THSD4: variants seen among roughly 807,000 people sequenced by gnomAD.
The protein encoded by THSD4 is thrombospondin type 1 domain containing 4, also known as thrombospondin type-1 domain-containing protein 4.
In THSD4, 69 loss-of-function variants were observed where a neutral mutation model predicts 119.0. That is an observed-to-expected ratio of 0.58 (90% CI 0.48 to 0.71). THSD4 has a LOEUF of 0.71. Among genes scored for constraint, THSD4 ranks in the 30% least tolerant of loss-of-function variants. The pLI is 0.00. For missense variants in THSD4, 1,393 were observed against 1,391.1 expected (o/e 1.00, Z -0.02); for synonymous variants, 524 against 540.4 (o/e 0.97, Z 0.42).
intron 3 of THSD4, among the ~76,000 whole-genome samples, chr15:71,202,712 A>G (rs897558002): frequency 9.9e-5 from 15 of 152,180 alleles, no homozygotes; most frequent in Admixed American, 4.6e-4. Flanking sequence ...AAGATGCCAC[A>G]TGCTTTGTTG....
chr15:71,185,630 C>T (rs2043592965), intron 3 of THSD4: 3 of 152,272 alleles, frequency 2.0e-5, no homozygotes, highest in African/African-American at 4.8e-5. Flanking sequence ...TGAGTAGCAT[C>T]GAGAACATTC....
intron 6 of THSD4, among the ~76,000 whole-genome samples, chr15:71,319,228 T>A (rs563511816): frequency 4.4e-4 from 67 of 152,168 alleles, no homozygotes; most frequent in Non-Finnish European, 7.2e-4. Context: ...AATGTTGACA[T>A]CAAGGATTCT....
chr15:71,557,044 GT>G (rs1420130277), intron 7 of THSD4, among the ~76,000 whole-genome samples: 1 of 152,122 alleles, frequency 6.6e-6, no homozygotes, highest in African/African-American at 2.4e-5. Context: ...AATGGGGGCA[GT>G]ATTATTTTGT....
intron 7 of THSD4, among the ~76,000 whole-genome samples, chr15:71,554,383 C>T (rs2048985456): frequency 6.6e-6 from 1 of 151,632 alleles, no homozygotes; most frequent in South Asian, 2.1e-4. Context: ...GCGTGAGACA[C>T]CATGCCCCGG....
chr15:71,535,895 G>A (rs544974690), intron 7 of THSD4, among the ~76,000 whole-genome samples: 1 of 152,180 alleles, frequency 6.6e-6, no homozygotes, highest in Admixed American at 6.5e-5. Context: ...TCACCAACTT[G>A]ATGGTATCAT....
intron 1 of THSD4, among the ~76,000 whole-genome samples, chr15:71,104,211 G>A (rs1222934292): frequency 2.2e-5 from 2 of 89,964 alleles, no homozygotes; most frequent in South Asian, 3.4e-4. Context: ...CCCCACCCCC[G>A]GCCCCTGCAA....
At chr15:71,516,042 C>T (rs2048356775) in intron 7 of THSD4, among the ~76,000 whole-genome samples, 1 of 152,068 alleles carries the variant, frequency 6.6e-6, no homozygotes, top group South Asian at 2.1e-4. Flanking sequence ...GGGTTTTTGA[C>T]CAAGTGGAAA....
At chr15:71,365,048 G>A (rs189998097) in intron 6 of THSD4, among the ~76,000 whole-genome samples, 1 of 151,854 alleles carries the variant, frequency 6.6e-6, no homozygotes, top group East Asian at 1.9e-4. Context: ...CTCTTTTCCA[G>A]AGATGATACA....
chr15:71,749,040 G>A (rs2053395998), intron 14 of THSD4, among the ~76,000 whole-genome samples: 1 of 152,206 alleles, frequency 6.6e-6, no homozygotes, highest in Admixed American at 6.5e-5. Context: ...GGCATATATA[G>A]TCAACCATTA....
At chr15:71,531,675 T>C (rs1400552085) in intron 7 of THSD4, among the ~76,000 whole-genome samples, 3 of 152,260 alleles carry the variant, frequency 2.0e-5, no homozygotes, top group Non-Finnish European at 4.4e-5. Flanking sequence ...TCGTGGTCTC[T>C]TAACACAGTG....
chr15:71,335,709 G>A (rs995850236), intron 6 of THSD4, among the ~76,000 whole-genome samples: 1 of 152,132 alleles, frequency 6.6e-6, no homozygotes, highest in African/African-American at 2.4e-5. Context: ...TGCCACTCTG[G>A]AGAGCAGCTG....
chr15:71,614,151 G>A (rs2047687), intron 7 of THSD4, among the ~76,000 whole-genome samples: 53,070 of 151,984 alleles, frequency 0.35, 10,226 homozygotes, highest in Non-Finnish European at 0.44. Context: ...TCTGTCCCAG[G>A]TTAAACACTT....
intron 17 of THSD4, among the ~76,000 whole-genome samples, chr15:71,774,970 C>T (rs2053888144): frequency 6.6e-6 from 1 of 152,006 alleles, no homozygotes. Context: ...CACAGTGAAA[C>T]CCCATCTCTA....
At chr15:71,764,124 T>C (rs938929046) in intron 15 of THSD4, among the ~76,000 whole-genome samples, 10 of 148,580 alleles carry the variant, frequency 6.7e-5, no homozygotes, top group African/African-American at 2.5e-4. Flanking sequence ...TGCACACCTG[T>C]GGTCCCAGCT....
At chr15:71,737,672 C>T in intron 10 of THSD4, 60 bp from the exon 11 acceptor site, 1 of 1,511,986 alleles carries the variant, frequency 6.6e-7, no homozygotes. Context: ...GCAATTTCCT[C>T]TTTACAACTC....
chr15:71,315,532 C>T (rs2045175441), intron 6 of THSD4, among the ~76,000 whole-genome samples: 1 of 152,204 alleles, frequency 6.6e-6, no homozygotes, highest in South Asian at 2.1e-4. Context: ...GGAAGGAAAG[C>T]ACCCAGGATA....
At chr15:71,381,910 C>CT (rs2046233900) in intron 6 of THSD4, among the ~76,000 whole-genome samples, 2 of 152,044 alleles carry the variant, frequency 1.3e-5, no homozygotes, top group Admixed American at 6.6e-5. Context: ...TTTAATATCT[C>CT]TTTTTTTAAA....
At chr15:71,603,863 A>G (rs1465372190) in intron 7 of THSD4, among the ~76,000 whole-genome samples, 1 of 152,220 alleles carries the variant, frequency 6.6e-6, no homozygotes, top group Non-Finnish European at 1.5e-5. Flanking sequence ...GAGAGTGGTC[A>G]GAGAGGCTAG....
intron 6 of THSD4, among the ~76,000 whole-genome samples, chr15:71,259,937 G>T (rs1025851058): frequency 6.6e-6 from 1 of 152,172 alleles, no homozygotes; most frequent in Non-Finnish European, 1.5e-5. Context: ...GTGGATAATA[G>T]CTGCTTTATT....
Sources: allele counts gnomAD v4.1 joint callset (sites outside exome capture counted in the v4.1 genomes callset), GRCh38; gene constraint gnomAD v4.1.1; transcripts MANE v1.5; gene names NCBI Gene and HGNC (gene_info 2026-07-23, HGNC 2026-07-21).